Variants in NCOA1 observed in about 807,000 individuals in gnomAD.
NCOA1 encodes the protein Hin-2 protein.
A neutral mutation model predicts 150.9 loss-of-function variants in NCOA1; 35 were observed. The observed-to-expected ratio is 0.23, with a 90% confidence interval of 0.18 to 0.31. NCOA1 has a LOEUF of 0.31. NCOA1 is among the 10% of genes least tolerant of loss of function. The pLI is 1.00. For missense variants in NCOA1, 1,491 were observed against 1,749.3 expected, an observed-to-expected ratio of 0.85 and a Z score of 2.63; for synonymous variants, 590 against 630.0, an observed-to-expected ratio of 0.94 and a Z score of 0.95.
At chr2:24,559,279 GT>G (rs1372604031) in intron 1 of NCOA1, among the ~76,000 whole-genome samples, 6 of 152,038 alleles carry the variant, frequency 3.9e-5, no homozygotes, top group African/African-American at 1.4e-4. Context: ...CTGATTTTGG[GT>G]TTTGTCACCG....
chr2:24,679,494 C>T (rs1476525020), intron 7 of NCOA1, among the ~76,000 whole-genome samples: 1 of 152,136 alleles, frequency 6.6e-6, no homozygotes, highest in Non-Finnish European at 1.5e-5. Flanking sequence ...CTCATTTTTA[C>T]ATTTTAATCT....
rs1674635215 is a variant in NCOA1 at position 24,726,591 on chromosome 2, T to G, written c.2602T>G (p.Leu868Val). Reference protein sequence around the residue: ...TARPTSRLNRLPELELEAIDN... With the variant: ...TARPTSRLNRVPELELEAIDN... ...CTTACCTTTTCTTCTTAAATCAGGA[T>G]TACCTGAGCTGGAATTGGAAGCAAT... is the stretch of plus-strand genomic sequence containing the variant. Residue 868 changes from leucine to valine, a missense_variant and splice_region_variant, in exon 15 of 23, where the codon TTA (leucine) becomes GTA (valine). This residue lies in a region of NCOA1 where 703 missense variants were observed against 717.7 expected (regional missense o/e 0.98). Transcript: ENST00000348332. 6.3e-7 allele frequency: 1 copy of G among 1,598,930 alleles called. No individual in the cohort carries two copies.
At chr2:24,571,356 T>C (rs745722350) in intron 2 of NCOA1, among the ~76,000 whole-genome samples, 1 of 152,224 alleles carries the variant, frequency 6.6e-6, no homozygotes, top group Non-Finnish European at 1.5e-5. Context: ...ATTTCTTGAG[T>C]CTGCTGAGTG....
intron 6 of NCOA1, among the ~76,000 whole-genome samples, chr2:24,669,981 A>T (rs1572568348): frequency 6.6e-6 from 1 of 152,204 alleles, no homozygotes; most frequent in African/African-American, 2.4e-5. Context: ...CTACAAAAAA[A>T]TAAAAAATTA....
intron 3 of NCOA1, among the ~76,000 whole-genome samples, chr2:24,586,997 C>T (rs1201661058): frequency 3.3e-5 from 5 of 152,124 alleles, no homozygotes; most frequent in East Asian, 1.9e-4. Context: ...GACCCTTTCC[C>T]GTTTCTCAGG....
In NCOA1 at chr2:24,750,528, A is replaced by G. The variant is rs575714796; in HGVS notation, c.3707-1454A>G. Among the ~76,000 whole-genome samples, 34 of 152,354 alleles carry G rather than the reference A, an allele frequency of 2.2e-4. No individual in the cohort carries two copies. The South Asian group carries it at 7.0e-3, about 32-fold the overall frequency. ...GAATAGCCTACTGATAAGTGCTCCAAAGTGGCTGAACCTCAAAAACATTAT... is the reference window on the plus strand; with the variant it reads ...GAATAGCCTACTGATAAGTGCTCCAGAGTGGCTGAACCTCAAAAACATTAT... On this transcript the variant is annotated intron_variant, in intron 19 of 22. Coordinates refer to ENST00000348332, the MANE Select transcript of NCOA1 (RefSeq NM_003743.5).
intron 3 of NCOA1, among the ~76,000 whole-genome samples, chr2:24,600,971 T>C (rs1243920938): frequency 1.3e-5 from 2 of 152,336 alleles, no homozygotes; most frequent in Non-Finnish European, 2.9e-5. Flanking sequence ...AGTGTTTCAG[T>C]ACATGTTATT....
chr2:24,770,421 A>T lies in NCOA1; in HGVS notation c.*2030A>T. 1 of 228,754 alleles carries T rather than the reference A, an allele frequency of 4.4e-6. No homozygotes were observed. Among genetic ancestry groups the T allele is most frequent in the Non-Finnish European group, 8.7e-6 (1 of 114,984 alleles). The allele number at this position is 228,754 out of a possible 1,614,324, so 14.2% of individuals were successfully genotyped here. A position where few individuals can be genotyped will look rare whatever the true frequency, so the allele number is the denominator to read the frequency against. On this transcript the variant is annotated 3_prime_UTR_variant, in exon 23 of 23. Coordinates refer to ENST00000348332, the MANE Select transcript of NCOA1 (RefSeq NM_003743.5). ...CCCCATCCCAACTGCACCTTAAAAT[A>T]TGCATGTCACCTTCAAGGTTTTATA...
chr2:24,631,330 C>T (rs1294004355), intron 3 of NCOA1, among the ~76,000 whole-genome samples: 1 of 152,114 alleles, frequency 6.6e-6, no homozygotes. Context: ...TTATTCTTTT[C>T]TCTCCCCATC....
chr2:24,514,727 G>T (rs905637087), intron 1 of NCOA1, among the ~76,000 whole-genome samples: 1 of 151,998 alleles, frequency 6.6e-6, no homozygotes, highest in East Asian at 1.9e-4. Context: ...GCAGTGAGTG[G>T]TGATTGTGCC....
At chr2:24,506,806 C>A (rs1055444100) in intron 1 of NCOA1, among the ~76,000 whole-genome samples, 2 of 152,114 alleles carry the variant, frequency 1.3e-5, no homozygotes, top group African/African-American at 4.8e-5. Flanking sequence ...AAAACACTTT[C>A]AATCCATTGC....
chr2:24,491,771 G>T (rs1393631539), intron 1 of NCOA1, 169 bp downstream of exon 1: 1 of 151,956 alleles, frequency 6.6e-6, no homozygotes, highest in East Asian at 1.9e-4. Flanking sequence ...TCGCGGCCCG[G>T]CGCGGCTGGA....
intron 1 of NCOA1, among the ~76,000 whole-genome samples, chr2:24,498,482 A>T (rs1329115918): frequency 6.6e-6 from 1 of 152,200 alleles, no homozygotes; most frequent in African/African-American, 2.4e-5. Context: ...AGAGGGAATG[A>T]TTATTGTATT....
chr2:24,677,175 C>T (rs1396974870), intron 7 of NCOA1, among the ~76,000 whole-genome samples: 7 of 151,990 alleles, frequency 4.6e-5, no homozygotes, highest in Non-Finnish European at 1.0e-4. Context: ...GAAACCCCGT[C>T]TCAACTAAAA....
chr2:24,690,235 A>G (rs1046721836), intron 8 of NCOA1, among the ~76,000 whole-genome samples: 58 of 152,234 alleles, frequency 3.8e-4, no homozygotes, highest in African/African-American at 1.3e-3. Context: ...AGCAGAACCC[A>G]GGACTTCTTA....
At chr2:24,680,472 G>A (rs772076622) in intron 7 of NCOA1, among the ~76,000 whole-genome samples, 2 of 152,244 alleles carry the variant, frequency 1.3e-5, no homozygotes, top group East Asian at 1.9e-4. Flanking sequence ...AAAGCCAGAC[G>A]CAGAAAGACA....
chr2:24,740,354 C>G (rs1663543393), intron 18 of NCOA1, among the ~76,000 whole-genome samples: 1 of 152,170 alleles, frequency 6.6e-6, no homozygotes, highest in South Asian at 2.1e-4. Context: ...TTACACAAAC[C>G]TACATGGTAT....
chr2:24,659,468 G>A (rs2148493275), intron 5 of NCOA1, among the ~76,000 whole-genome samples: 1 of 152,202 alleles, frequency 6.6e-6, no homozygotes, highest in Non-Finnish European at 1.5e-5. Flanking sequence ...AGATAGAGAA[G>A]AAACCTCAAA....
intron 3 of NCOA1, among the ~76,000 whole-genome samples, chr2:24,601,928 G>T (rs530928304): frequency 6.6e-6 from 1 of 152,120 alleles, no homozygotes; most frequent in Admixed American, 6.6e-5. Context: ...GAACCACTGC[G>T]CCCAGCCACT....
Sources: allele counts gnomAD v4.1 joint callset (sites outside exome capture counted in the v4.1 genomes callset), GRCh38; gene constraint gnomAD v4.1.1; regional missense constraint gnomAD v4.1.1; transcripts MANE v1.5; gene names NCBI Gene and HGNC (gene_info 2026-07-23, HGNC 2026-07-21).